CSMD1: variants seen among roughly 807,000 people sequenced by gnomAD.
The protein encoded by CSMD1 is CUB and sushi domain-containing protein 1.
A neutral mutation model predicts 417.5 loss-of-function variants in CSMD1; 213 were observed. That is an observed-to-expected ratio of 0.51 (90% CI 0.46 to 0.57). CSMD1 has a LOEUF of 0.57. Ranked by LOEUF, CSMD1 falls within the 20% of genes least tolerant of loss-of-function variation. The pLI is 0.00. For missense variants in CSMD1, 6,923 were observed against 4,529.7 expected (o/e 1.53, Z -15.17); for synonymous variants, 2,862 against 1,736.8 (o/e 1.65, Z -16.11).
At position 4,344,358 on chromosome 8, in the gene CSMD1, A is replaced by C. The variant is rs1290887436; in HGVS notation, c.415+75595T>G. ...TTACATCTTTCAGGTTTGGTACATTATTTTTCATACTCCCATACGCTCAAG... is the reference window on the plus strand; with the variant it reads ...TTACATCTTTCAGGTTTGGTACATTCTTTTTCATACTCCCATACGCTCAAG... On this transcript the variant is annotated intron_variant, in intron 3 of 69. Coordinates refer to ENST00000635120, the MANE Select transcript of CSMD1 (RefSeq NM_033225.6). Among the ~76,000 whole-genome samples, 5 of 151,974 alleles carry C rather than the reference A, an allele frequency of 3.3e-5. 1 individual carries two copies. Among genetic ancestry groups the C allele is most frequent in the African/African-American group, 9.6e-5 (4 of 41,490 alleles).
chr8:3,797,323 A>G (rs944738432), intron 5 of CSMD1, among the ~76,000 whole-genome samples: 3 of 151,974 alleles, frequency 2.0e-5, no homozygotes, highest in African/African-American at 7.2e-5. Flanking sequence ...ATATAATTCA[A>G]TGATTGTTGA....
chr8:4,761,857 ATCTATCT>A (rs1369557857), intron 1 of CSMD1, among the ~76,000 whole-genome samples: 1 of 76,880 alleles, frequency 1.3e-5, no homozygotes, highest in African/African-American at 4.5e-5. Context: ...CTATCTATCT[ATCTATCT>A]ATCTATCTAT....
intron 1 of CSMD1, among the ~76,000 whole-genome samples, chr8:4,960,400 C>T (rs1809399026): frequency 6.6e-6 from 1 of 152,164 alleles, no homozygotes; most frequent in Non-Finnish European, 1.5e-5. Context: ...TGGCAAGCTA[C>T]CGATCTCACT....
intron 5 of CSMD1, among the ~76,000 whole-genome samples, chr8:3,977,034 C>T (rs535264694): frequency 2.9e-4 from 44 of 152,266 alleles, no homozygotes; most frequent in Admixed American, 5.2e-4. Context: ...ATGGGTGAGA[C>T]GGGATTACAA....
chr8:3,841,701 T>C (rs1269625293), intron 5 of CSMD1, among the ~76,000 whole-genome samples: 2 of 151,580 alleles, frequency 1.3e-5, no homozygotes, highest in Non-Finnish European at 2.9e-5. Flanking sequence ...CTAGTGATTA[T>C]AATATATAAT....
At chr8:3,916,039 A>G (rs982232424) in intron 5 of CSMD1, among the ~76,000 whole-genome samples, 4 of 151,746 alleles carry the variant, frequency 2.6e-5, no homozygotes, top group Admixed American at 6.6e-5. Flanking sequence ...CACAAGACAA[A>G]TGGGTAACAT....
intron 4 of CSMD1, among the ~76,000 whole-genome samples, chr8:4,015,420 A>C (rs149126763): frequency 5.2e-4 from 79 of 152,270 alleles, no homozygotes; most frequent in Middle Eastern, 3.4e-3. Flanking sequence ...CTGACAGTTC[A>C]TATAGAATTG....
intron 2 of CSMD1, among the ~76,000 whole-genome samples, chr8:4,635,923 G>A (rs891422258): frequency 6.6e-6 from 1 of 150,558 alleles, no homozygotes; most frequent in Non-Finnish European, 1.5e-5. Flanking sequence ...ACTAAAAACA[G>A]ATAATAGATA....
intron 3 of CSMD1, among the ~76,000 whole-genome samples, chr8:4,314,047 A>T (rs910769522): frequency 6.6e-6 from 1 of 151,272 alleles, no homozygotes; most frequent in African/African-American, 2.4e-5. Flanking sequence ...GATAATAATA[A>T]TAATAATTCC....
At chr8:3,808,441 C>T (rs1336720106) in intron 5 of CSMD1, among the ~76,000 whole-genome samples, 1 of 152,126 alleles carries the variant, frequency 6.6e-6, no homozygotes, top group Non-Finnish European at 1.5e-5. Context: ...TGGAATGAGT[C>T]TTCAAAAGCT....
chr8:3,117,941 C>T (rs780362428), intron 42 of CSMD1, among the ~76,000 whole-genome samples: 4 of 152,312 alleles, frequency 2.6e-5, no homozygotes. Context: ...CAAAAATGAG[C>T]TCATTTTTCT....
At chr8:4,863,588 T>C (rs1802257375) in intron 1 of CSMD1, among the ~76,000 whole-genome samples, 1 of 152,020 alleles carries the variant, frequency 6.6e-6, no homozygotes, top group Non-Finnish European at 1.5e-5. Flanking sequence ...TTTTGCACAA[T>C]CTCTTCATAT....
intron 5 of CSMD1, among the ~76,000 whole-genome samples, chr8:3,788,983 G>C (rs1310478047): frequency 2.0e-5 from 3 of 152,152 alleles, no homozygotes; most frequent in Non-Finnish European, 4.4e-5. Flanking sequence ...ATTCCAAATT[G>C]TAAGTTATTT....
chr8:4,700,830 T>C (rs2116816098), intron 1 of CSMD1, among the ~76,000 whole-genome samples: 1 of 151,772 alleles, frequency 6.6e-6, no homozygotes, highest in South Asian at 2.1e-4. Context: ...GAAAAAAAGG[T>C]AACAGCAAGA....
intron 7 of CSMD1, among the ~76,000 whole-genome samples, chr8:3,629,489 C>A (rs1024783992): frequency 6.6e-6 from 1 of 152,148 alleles, no homozygotes; most frequent in Non-Finnish European, 1.5e-5. Context: ...ACACAATACA[C>A]CTAGCATTGC....
chr8:3,338,308 A>G lies in CSMD1; in HGVS notation c.3631+4986T>C, dbSNP rs983476048. On this transcript the variant is annotated intron_variant, in intron 23 of 69. Coordinates refer to ENST00000635120, the MANE Select transcript of CSMD1 (RefSeq NM_033225.6). The stretch of plus-strand genomic sequence containing the variant: ...CGTGGGTGCTGGGCGTTTCTTGACA[A>G]GTTGAGTCAGTGTCCACAGAACGGA... Among the ~76,000 whole-genome samples the G allele has an allele frequency of 2.6e-5, 4 of 152,342 alleles. No individual in the cohort carries two copies. The East Asian group carries it at 7.7e-4, about 29-fold the overall frequency.
chr8:4,310,353 G>T (rs1357930827), intron 3 of CSMD1, among the ~76,000 whole-genome samples: 1 of 152,118 alleles, frequency 6.6e-6, no homozygotes, highest in South Asian at 2.1e-4. Flanking sequence ...GGGTATCTTG[G>T]TCAAAGGGTT....
At chr8:4,447,345 G>T (rs17070331) in intron 2 of CSMD1, among the ~76,000 whole-genome samples, 1 of 152,104 alleles carries the variant, frequency 6.6e-6, no homozygotes, top group Non-Finnish European at 1.5e-5. Flanking sequence ...CATTCAAAAT[G>T]CTATACAAGT....
intron 5 of CSMD1, among the ~76,000 whole-genome samples, chr8:3,925,081 C>G (rs1413183013): frequency 6.6e-6 from 1 of 152,164 alleles, no homozygotes; most frequent in Non-Finnish European, 1.5e-5. Flanking sequence ...TATGCCTGCC[C>G]CACTTCTCTT....
Sources: allele counts gnomAD v4.1 joint callset (sites outside exome capture counted in the v4.1 genomes callset), GRCh38; gene constraint gnomAD v4.1.1; transcripts MANE v1.5; gene names NCBI Gene and HGNC (gene_info 2026-07-23, HGNC 2026-07-21).